Variants in NOP56 observed in about 807,000 individuals in gnomAD.
NOP56 encodes the protein NOP56 ribonucleoprotein, also known as nucleolar protein 56.
Under a neutral mutation model 58.3 loss-of-function variants are expected in NOP56, and 31 were observed. The ratio of observed to expected loss-of-function variants is 0.53; its 90% CI spans 0.40 to 0.72. The LOEUF is 0.72. Ranked by LOEUF, NOP56 falls within the 30% of genes least tolerant of loss-of-function variation. The pLI is 0.00. For missense variants in NOP56, 669 were observed against 739.9 expected (o/e 0.90, Z 1.11); for synonymous variants, 313 against 282.8 (o/e 1.11, Z -1.07).
Position 2,656,547 on chromosome 20 carries a change from C to T in NOP56, c.1157C>T (p.Ser386Phe), listed in dbSNP as rs756214547. Residue 386 changes from serine to phenylalanine, a missense_variant and splice_region_variant, in exon 9 of 12, where the codon TCT (serine) becomes TTT (phenylalanine). By Grantham distance (155) the Ser-to-Phe change is radical (BLOSUM62 -2). Coordinates refer to ENST00000329276, the MANE Select transcript of NOP56 (RefSeq NM_006392.4). ...ATTGCCTCACGAATCGATTGCTTCT[C>T]TGGTATGGGTGGGGGGGCGTTGGCA... Reference protein sequence around the residue: ...CSIASRIDCFSEVPTSVFGEK... With the variant: ...CSIASRIDCFFEVPTSVFGEK... 3.1e-6 allele frequency: 5 copies of T among 1,607,958 alleles called. No individual in the cohort carries two copies. Among genetic ancestry groups the T allele is most frequent in the Non-Finnish European group, 4.2e-6 (5 of 1,177,344 alleles).
At position 2,657,108 on chromosome 20, in the gene NOP56, A is replaced by G. The variant is rs746799798; in HGVS notation, c.1309A>G (p.Arg437Gly). The change falls in exon 11 of 12, where the codon AGG becomes GGG. Residue 437 changes from arginine (R) to glycine (G), a missense_variant. This residue lies in a region of NOP56 where 209 missense variants were observed against 196.2 expected (regional missense o/e 1.07). Transcript: ENST00000329276. ...AGAGGAAGCGGCTGCTGAGATTACT[A>G]GGAAGCTGGAGAAACAGGAGAAGAA... ...QAEEAAAEIT[R>G]KLEKQEKKRL... 1.2e-5 allele frequency: 19 copies of G among 1,614,178 alleles called. 1 individual carries two copies. The East Asian group carries it at 3.6e-4, about 30-fold the overall frequency.
In NOP56 at chr20:2,653,288, T is replaced by A; in HGVS notation, c.103T>A (p.Ser35Thr). ...CTCTTTCTCCCCCCAGGTGGAGGAG[T>A]CTGTGCTCAACCTGGGCAAATTCCA... ...ISLLQPQVEE[S>T]VLNLGKFHSI... Residue 35 changes from serine (S) to threonine (T), a missense_variant, in exon 3 of 12, where the codon TCT becomes ACT. Physicochemically the swap from Ser to Thr is moderately conservative, Grantham distance 58. Around this residue, in one of 3 missense-constraint regions of NOP56, gnomAD observed 121 missense variants for 113.1 expected, o/e 1.07. Transcript: ENST00000329276. The A allele has an allele frequency of 2.5e-6, 4 of 1,613,036 alleles. No individual in the cohort carries two copies. The highest frequency in any genetic ancestry group is 2.5e-6 in the Non-Finnish European group (3 of 1,179,300).
chr20:2,656,618 T>C lies in NOP56; in HGVS notation c.1159+69T>C, dbSNP rs754070758. ...GGCTGGGTGGGGAGGCTTGCAACCATAGCTTCCACAATGATGGCAATATTT... is the reference window on the plus strand; with the variant it reads ...GGCTGGGTGGGGAGGCTTGCAACCACAGCTTCCACAATGATGGCAATATTT... On this transcript the variant is annotated intron_variant, in intron 9 of 11. Coordinates refer to ENST00000329276, the MANE Select transcript of NOP56 (RefSeq NM_006392.4). 29 of 1,606,152 alleles carry C rather than the reference T, an allele frequency of 1.8e-5. No individual in the cohort carries two copies. The African/African-American group carries it at 2.4e-4, about 13-fold the overall frequency.
At chr20:2,656,343 C>T (rs2086816878) in intron 8 of NOP56, 58 bp from the exon 9 acceptor site, 1 of 1,610,858 alleles carries the variant, frequency 6.2e-7, no homozygotes, top group Non-Finnish European at 8.5e-7. Context: ...AGCTGAGCTG[C>T]CTTGGCTAAT....
chr20:2,654,379 A>G (rs2086790344), intron 3 of NOP56, 35 bp from the exon 4 acceptor site: 1 of 1,613,242 alleles, frequency 6.2e-7, no homozygotes, highest in Non-Finnish European at 8.5e-7. Flanking sequence ...ATCGTCCTTC[A>G]GCCTGTTAGT....
chr20:2,652,759 GCCT>G lies in NOP56; in HGVS notation c.4-82_4-80del, dbSNP rs772236833. On this transcript the variant is annotated intron_variant, in intron 1 of 11. Transcript: ENST00000329276. Reference sequence around the variant, plus strand: ...GGCCTGGGCCTGGGCCTGGGCCTGCGCCTGCGCCTGCGCCTGCCCTGGGAACGG... The same window carrying G: ...GGCCTGGGCCTGGGCCTGGGCCTGCGGCGCCTGCGCCTGCCCTGGGAACGG... 7.5e-5 allele frequency: 112 copies of G among 1,498,766 alleles called. No homozygotes were observed. The African/African-American group carries it at 1.5e-3, about 20-fold the overall frequency. 92.8% of individuals were successfully genotyped at this position (1,498,766 alleles called of 1,614,324 possible). A position where few individuals can be genotyped will look rare whatever the true frequency, so the allele number is the denominator to read the frequency against.
rs752139700 is a variant in NOP56 at position 2,655,971 on chromosome 20, C to T, written c.947C>T (p.Thr316Ile). 2.5e-6 allele frequency: 4 copies of T among 1,614,206 alleles called. No individual in the cohort carries two copies. In the South Asian group the frequency reaches 3.3e-5, roughly 13 times the overall value. Residue 316 changes from threonine to isoleucine, a missense_variant, in exon 8 of 12, where the codon ACC becomes ATC. Thr to Ile is a moderately conservative substitution (Grantham distance 89). Transcript: ENST00000329276. ...CTCATCGCACATGCTGGCAGCCTCA[C>T]CAACCTGGCCAAGTATCCAGCATCC... ...ARLIAHAGSL[T>I]NLAKYPASTV...
At chr20:2,656,116 C>T (rs1335855564) in intron 8 of NOP56, 82 bp downstream of exon 8, 1 of 1,612,990 alleles carries the variant, frequency 6.2e-7, no homozygotes, top group Admixed American at 1.7e-5. Flanking sequence ...GATGGCTGAC[C>T]AGGGCTCCCT....
chr20:2,657,000 G>A, intron 10 of NOP56, 81 bp from the exon 11 acceptor site: 1 of 1,613,750 alleles, frequency 6.2e-7, no homozygotes, highest in Non-Finnish European at 8.5e-7. Flanking sequence ...CTGATTTAAT[G>A]AGCCTGATCC....
chr20:2,655,572 C>G (rs742842), intron 6 of NOP56, 23 bp from the exon 7 acceptor site: 1 of 1,614,026 alleles, frequency 6.2e-7, no homozygotes, highest in Non-Finnish European at 8.5e-7. Context: ...TGGCCTCTTG[C>G]ATTCACACTT....
chr20:2,654,304 T>C (rs1442871382), intron 3 of NOP56, 110 bp from the exon 4 acceptor site: 1 of 1,077,946 alleles, frequency 9.3e-7, no homozygotes, highest in Non-Finnish European at 1.4e-6. Context: ...TGGGGAGGGA[T>C]CTAGGTATGC....
At chr20:2,655,165 G>C (rs747997221) in intron 5 of NOP56, 160 bp from the exon 6 acceptor site, 4 of 1,098,820 alleles carry the variant, frequency 3.6e-6, no homozygotes, top group Non-Finnish European at 5.6e-6. Flanking sequence ...CTCAGGCCCT[G>C]TGCCTGGTCT....
Position 2,657,147 on chromosome 20 carries a change from G to A in NOP56, c.1348G>A (p.Glu450Lys). ...ACAGGAGAAGAAACGCTTAAAGAAG[G>A]AAAAGAAACGGCTGGCTGCACTTGC... The part of the protein sequence containing the change: ...EKQEKKRLKK[E>K]KKRLAALALA... The change falls in exon 11 of 12, where the codon GAA becomes AAA. Residue 450 changes from glutamate (E) to lysine (K), a missense_variant. Glu to Lys is a moderately conservative substitution (Grantham distance 56, BLOSUM62 1). Around this residue, in one of 3 missense-constraint regions of NOP56, gnomAD observed 209 missense variants for 196.2 expected, o/e 1.07. Coordinates refer to ENST00000329276, the MANE Select transcript of NOP56 (RefSeq NM_006392.4). 1 of 1,610,484 alleles carries A rather than the reference G, an allele frequency of 6.2e-7. No individual in the cohort carries two copies. Among genetic ancestry groups the A allele is most frequent in the African/African-American group, 1.3e-5 (1 of 74,888 alleles).
At chr20:2,656,185 C>T in intron 8 of NOP56, 151 bp downstream of exon 8, 1 of 1,606,548 alleles carries the variant, frequency 6.2e-7, no homozygotes, top group Non-Finnish European at 8.5e-7. Flanking sequence ...GAGTGATTCC[C>T]AGGGCCCAGC....
At chr20:2,653,030 C>A in intron 2 of NOP56, 99 bp downstream of exon 2, 3 of 1,117,534 alleles carry the variant, frequency 2.7e-6, no homozygotes, top group East Asian at 2.6e-5. Flanking sequence ...CCGAGCGGTT[C>A]GGGGCGGGGG....
rs761791175 is a variant in NOP56, at chr20:2,656,032, C to G, written c.1008C>G (p.Phe336Leu). The part of the protein sequence containing the change: ...VQILGAEKAL[F>L]RALKTRGNTP... ...TCCTTGGGGCTGAAAAGGCCCTGTT[C>G]AGGTACCAGTGAGGGCACCTGCCCA... is the stretch of plus-strand genomic sequence containing the variant. Residue 336 changes from phenylalanine (F) to leucine (L), a missense_variant and splice_region_variant, in exon 8 of 12, where the codon TTC (phenylalanine) becomes TTG (leucine). Physicochemically the swap from Phe to Leu is conservative, Grantham distance 22. Around this residue, in one of 3 missense-constraint regions of NOP56, gnomAD observed 339 missense variants for 430.5 expected, o/e 0.79. Transcript: ENST00000329276. The G allele has an allele frequency of 1.2e-6, 2 of 1,614,158 alleles. No individual in the cohort carries two copies. Among genetic ancestry groups the G allele is most frequent in the Non-Finnish European group, 1.7e-6 (2 of 1,180,036 alleles).
rs1466121657 is a variant in NOP56, at chr20:2,654,594, A to G, written c.370+19A>G. 3 of 1,613,374 alleles carry G rather than the reference A, an allele frequency of 1.9e-6. No individual in the cohort carries two copies. Among genetic ancestry groups the G allele is most frequent in the African/African-American group, 1.3e-5 (1 of 74,904 alleles). On this transcript the variant is annotated intron_variant, in intron 4 of 11. Coordinates refer to ENST00000329276, the MANE Select transcript of NOP56 (RefSeq NM_006392.4). ...CTGCGAGGTGAGACCATCATCTGTT[A>G]TATTCCTGTTATCCTGGACATTTTG...
In NOP56 at chr20:2,655,636, T is replaced by C; in HGVS notation, c.799T>C (p.Phe267Leu). 1 of 1,614,208 alleles carries C rather than the reference T, an allele frequency of 6.2e-7. No individual in the cohort carries two copies. The highest frequency in any genetic ancestry group is 8.5e-7 in the Non-Finnish European group (1 of 1,180,030). Reference sequence around the variant, plus strand: ...CATTGACTTGATAAACATCGAGAGCTTCTCCAGTCGTGTGGTGTCTTTATC... The same window carrying C: ...CATTGACTTGATAAACATCGAGAGCCTCTCCAGTCGTGTGGTGTCTTTATC... ...SAIDLINIES[F>L]SSRVVSLSEY... Residue 267 changes from phenylalanine to leucine, a missense_variant, in exon 7 of 12, where the codon TTC becomes CTC. Transcript: ENST00000329276.
chr20:2,655,589 T>C lies in NOP56; in HGVS notation c.758-6T>C. 6.2e-7 allele frequency: 1 copy of C among 1,614,152 alleles called. No homozygotes were observed. On this transcript the variant is annotated splice_polypyrimidine_tract_variant and splice_region_variant and intron_variant, in intron 6 of 11. Coordinates refer to ENST00000329276, the MANE Select transcript of NOP56 (RefSeq NM_006392.4). ...GCCTCTTGCATTCACACTTGGTTTT[T>C]CCTAGGCATGGACATATCTGCCATT...
Sources: allele counts gnomAD v4.1 joint callset, GRCh38; gene constraint gnomAD v4.1.1; regional missense constraint gnomAD v4.1.1; transcripts MANE v1.5; gene names NCBI Gene and HGNC (gene_info 2026-07-23, HGNC 2026-07-21).